GSE1: variants seen among roughly 807,000 people sequenced by gnomAD.
The protein encoded by GSE1 is Gse1 coiled-coil protein, also known as genetic suppressor element 1.
GSE1 carries 32 observed loss-of-function variants against 112.6 expected under a neutral mutation model. The ratio of observed to expected loss-of-function variants is 0.28; its 90% confidence interval spans 0.21 to 0.38. GSE1 has a LOEUF of 0.38. GSE1 is among the 10% of genes least tolerant of loss of function. The pLI is 1.00. For synonymous variants in GSE1, 1,115 were observed against 735.6 expected (o/e 1.52, Z -8.35); for missense variants, 2,348 against 1,699.2 (o/e 1.38, Z -6.71).
At chr16:85,266,478 G>A (rs2144143025) in intron 1 of GSE1, among the ~76,000 whole-genome samples, 1 of 152,282 alleles carries the variant, frequency 6.6e-6, no homozygotes, top group South Asian at 2.1e-4. Flanking sequence ...TCCGGCACAA[G>A]GACCTGTTTC....
chr16:85,570,220 C>A lies in GSE1; in HGVS notation c.37+13857C>A, dbSNP rs542481560. Among the ~76,000 whole-genome samples the A allele has an allele frequency of 1.1e-4, 17 of 152,276 alleles. No individual in the cohort carries two copies. The South Asian group carries it at 3.3e-3, about 30-fold the overall frequency. On this transcript the variant is annotated intron_variant, in intron 1 of 2. Coordinates refer to the GSE1 transcript ENST00000635906. ...GTTCTGGATGGGCCTGGCCCTTGGT[C>A]AGTGTCCATCTTCAAGGACCTTGGT...
In GSE1 at chr16:85,364,743, G is replaced by A. The variant is rs369738499; in HGVS notation, c.2464+7100G>A. 2.6e-5 allele frequency among the ~76,000 whole-genome samples: 4 copies of A among 152,284 alleles called. No individual in the cohort carries two copies. The East Asian group carries it at 5.8e-4, about 22-fold the overall frequency. ...ATGCCGTTCCTGCCCACTTCCCGTT[G>A]GCCTGGACCAGCTCACACCCCACCC... On this transcript the variant is annotated intron_variant, in intron 2 of 2. Coordinates refer to the GSE1 transcript ENST00000637419.
chr16:85,286,265 C>T (rs902971532), intron 1 of GSE1, among the ~76,000 whole-genome samples: 7 of 152,208 alleles, frequency 4.6e-5, no homozygotes, highest in East Asian at 1.9e-4. Context: ...GGTCGGCCCA[C>T]GGGCTGGCAG....
intron 1 of GSE1, among the ~76,000 whole-genome samples, chr16:85,224,946 G>T (rs2075458374): frequency 6.6e-6 from 1 of 152,028 alleles, no homozygotes; most frequent in Admixed American, 6.6e-5. Context: ...TGGCCAATAT[G>T]GTGAAACCCT....
intron 1 of GSE1, among the ~76,000 whole-genome samples, chr16:85,203,716 G>T (rs1383032357): frequency 6.6e-6 from 1 of 152,102 alleles, no homozygotes; most frequent in Non-Finnish European, 1.5e-5. Flanking sequence ...AGAGTTGTGC[G>T]GCCACCACCA....
intron 2 of GSE1, among the ~76,000 whole-genome samples, chr16:85,375,781 C>T (rs2047406996): frequency 6.6e-6 from 1 of 152,238 alleles, no homozygotes; most frequent in African/African-American, 2.4e-5. Context: ...ACACTGCCCG[C>T]CTCCAGTACC....
intron 1 of GSE1, among the ~76,000 whole-genome samples, chr16:85,230,938 T>A (rs1480850487): frequency 1.3e-5 from 2 of 148,974 alleles, no homozygotes; most frequent in African/African-American, 5.0e-5. Flanking sequence ...AATGAATGGA[T>A]GGACAGACGG....
rs974445768 is a variant in GSE1, at chr16:85,672,752, A to G, written c.*213A>G. On this transcript the variant is annotated 3_prime_UTR_variant, in exon 16 of 16. Coordinates refer to ENST00000253458, the MANE Select transcript of GSE1 (RefSeq NM_014615.5). ...ACCGTTGTCATTCAGCGAGCAACCA[A>G]TGTAGGATTGCCCACAGTTTTTCTT... 13 of 383,754 alleles carry G rather than the reference A, an allele frequency of 3.4e-5. No individual in the cohort carries two copies. Among genetic ancestry groups the G allele is most frequent in the Non-Finnish European group, 6.1e-5 (13 of 214,392 alleles). 23.8% of individuals were successfully genotyped at this position (383,754 alleles called of 1,614,324 possible).
chr16:85,668,022 C>T (rs2053018768), intron 13 of GSE1, 118 bp from the exon 14 acceptor site: 13 of 754,096 alleles, frequency 1.7e-5, no homozygotes, highest in South Asian at 1.5e-4. Flanking sequence ...TCATCTTGGT[C>T]CCCGGAGCCC....
At chr16:85,651,054 TCCCCCTCCCCCTCCGCC>T (rs2051303114) in intron 3 of GSE1, among the ~76,000 whole-genome samples, 1 of 31,848 alleles carries the variant, frequency 3.1e-5, no homozygotes, top group African/African-American at 1.3e-4. Context: ...CCGCCCCTCC[TCCCCCTCCCCCTCCGCC>T]CCTCCTCCCC....
At chr16:85,421,276 G>A (rs58011326) in intron 2 of GSE1, among the ~76,000 whole-genome samples, 18,109 of 152,102 alleles carry the variant, frequency 0.12, 1,366 homozygotes, top group East Asian at 0.28. Context: ...GGTCTCTCGG[G>A]CCCTGGCCCC....
At chr16:85,628,339 C>T (rs1448632777) in intron 1 of GSE1, among the ~76,000 whole-genome samples, 3 of 152,240 alleles carry the variant, frequency 2.0e-5, no homozygotes, top group Non-Finnish European at 4.4e-5. Context: ...GGCAGGGATG[C>T]TGCCCGCAGG....
exon 1 of GSE1, chr16:85,171,198 C>T (rs749934847): frequency 7.1e-6 from 7 of 985,578 alleles, no homozygotes; most frequent in South Asian, 4.7e-5. Context: ...AGCTCATCAC[C>T]TCCGTGCAGG....
At chr16:85,540,449 G>A (rs1439529420) in intron 2 of GSE1, among the ~76,000 whole-genome samples, 2 of 152,222 alleles carry the variant, frequency 1.3e-5, no homozygotes, top group Non-Finnish European at 2.9e-5. Flanking sequence ...CAAAGTGCCT[G>A]AGGCTTGGCT....
chr16:85,461,510 G>A (rs555967502), intron 2 of GSE1, among the ~76,000 whole-genome samples: 4 of 152,166 alleles, frequency 2.6e-5, no homozygotes, highest in Admixed American at 6.5e-5. Flanking sequence ...CCACGCAAGG[G>A]GGGGAGGGGG....
intron 2 of GSE1, among the ~76,000 whole-genome samples, chr16:85,516,935 C>A (rs982545041): frequency 3.3e-5 from 5 of 151,986 alleles, no homozygotes; most frequent in Admixed American, 2.0e-4. Flanking sequence ...GTAGCTGGGA[C>A]TACAGGCGCC....
chr16:85,631,719 C>T (rs1267268682), intron 1 of GSE1, among the ~76,000 whole-genome samples: 3 of 152,218 alleles, frequency 2.0e-5, no homozygotes, highest in Non-Finnish European at 4.4e-5. Flanking sequence ...AGGGGAGTGA[C>T]CTCATGAGGT....
exon 1 of GSE1, chr16:85,171,409 T>C (rs1597708414): frequency 2.0e-6 from 2 of 985,442 alleles, no homozygotes; most frequent in Admixed American, 6.1e-5. Context: ...CCTCACCGTG[T>C]ACCCGCCTGC....
chr16:85,618,772 C>G (rs531390400), intron 1 of GSE1, among the ~76,000 whole-genome samples: 1 of 152,224 alleles, frequency 6.6e-6, no homozygotes, highest in Non-Finnish European at 1.5e-5. Context: ...ATCCTGCTGC[C>G]GCAGCCTCCT....
Sources: allele counts gnomAD v4.1 joint callset (sites outside exome capture counted in the v4.1 genomes callset), GRCh38; gene constraint gnomAD v4.1.1; transcripts MANE v1.5; gene names NCBI Gene and HGNC (gene_info 2026-07-23, HGNC 2026-07-21).